Variants in PIEZO1 observed in about 807,000 individuals in gnomAD.
The protein encoded by PIEZO1 is piezo-type mechanosensitive ion channel component 1.
PIEZO1 carries 296 observed loss-of-function variants against 297.2 expected under a neutral mutation model. The observed-to-expected ratio is 1.00, with a 90% confidence interval of 0.91 to 1.10. The LOEUF (loss-of-function observed/expected upper bound fraction) is 1.10, where lower values mean the gene tolerates loss of function less well. PIEZO1 is among the 50% of genes least tolerant of loss of function. PIEZO1 has a pLI of 0.00. For synonymous variants in PIEZO1, 2,427 were observed against 1,507.5 expected, an observed-to-expected ratio of 1.61 and a Z score of -14.13; for missense variants, 5,018 against 3,455.5, an observed-to-expected ratio of 1.45 and a Z score of -11.34.
chr16:88,737,581 C>G lies in PIEZO1; in HGVS notation c.1173G>C (p.Gln391His). 6.5e-7 allele frequency: 1 copy of G among 1,534,310 alleles called. No homozygotes were observed. The highest frequency in any genetic ancestry group is 2.4e-5 in the East Asian group (1 of 40,908). Residue 391 changes from glutamine (Q) to histidine (H), a missense_variant, in exon 10 of 51, where the codon CAG (glutamine) becomes CAC (histidine). Transcript: ENST00000301015. ...DNCIVHELTGQSSVLRRPVRP... is the reference protein window; with the variant it reads ...DNCIVHELTGHSSVLRRPVRP... Reference sequence around the variant, plus strand: ...CACCAGGCCGCCGCAGGACGGAGCTCTGGCCGGTCAGCTCGTGCACGATGC... The same window carrying G: ...CACCAGGCCGCCGCAGGACGGAGCTGTGGCCGGTCAGCTCGTGCACGATGC...
At chr16:88,731,679 C>T (rs979876480) in intron 22 of PIEZO1, 27 bp downstream of exon 22, 4 of 1,539,524 alleles carry the variant, frequency 2.6e-6, no homozygotes, top group African/African-American at 1.4e-5. Context: ...ACAAAGCCCA[C>T]TCCCACCCAA....
At chr16:88,760,810 G>A (rs928237045) in intron 1 of PIEZO1, among the ~76,000 whole-genome samples, 1 of 152,244 alleles carries the variant, frequency 6.6e-6, no homozygotes, top group African/African-American at 2.4e-5. Context: ...TCACCTACTT[G>A]GAGCCCGGCC....
intron 2 of PIEZO1, chr16:88,743,565 C>T (rs562725298): frequency 4.4e-6 from 2 of 456,706 alleles, no homozygotes; most frequent in Admixed American, 2.3e-5. Context: ...GGGGCGCAAA[C>T]TCAGGGCCTG....
chr16:88,774,111 C>A (rs1479732282), intron 1 of PIEZO1, among the ~76,000 whole-genome samples: 1 of 152,248 alleles, frequency 6.6e-6, no homozygotes, highest in African/African-American at 2.4e-5. Context: ...CCAGGCAGGG[C>A]TGGGTGGGCG....
rs1912455982 is a variant in PIEZO1, at chr16:88,721,580, C to T, written c.5361G>A (p.Leu1787=). ...GGAAGAAAAGGGCCATGAGCTGCAC[C>T]AGGTCGTACTTGATGTAGCCGTCAG... ...EKTDGYIKYD[L]VQLMALFFHR... The change falls in exon 38 of 51, where the codon CTG becomes CTA. Residue 1787 remains leucine, a synonymous_variant. Coordinates refer to ENST00000301015, the MANE Select transcript of PIEZO1 (RefSeq NM_001142864.4). The T allele has an allele frequency of 3.9e-6, 6 of 1,550,148 alleles. No homozygotes were observed. In the South Asian group the frequency reaches 5.9e-5, roughly 15 times the overall value.
chr16:88,716,605 T>G lies in PIEZO1; in HGVS notation c.6880A>C (p.Asn2294His). 6.5e-7 allele frequency: 1 copy of G among 1,549,800 alleles called. No individual in the cohort carries two copies. Among genetic ancestry groups the G allele is most frequent in the Non-Finnish European group, 8.7e-7 (1 of 1,146,756 alleles). Residue 2294 changes from asparagine (N) to histidine (H), a missense_variant, in exon 47 of 51, where the codon AAC becomes CAC. Coordinates refer to ENST00000301015, the MANE Select transcript of PIEZO1 (RefSeq NM_001142864.4). ...CGCAGGGTGATGTCGGCCGTGCCGT[T>G]GTAGAGCTCCCGCTTCATCTGGGCA... Reference protein sequence around the residue: ...SRAQMKRELYNGTADITLRFT... With the variant: ...SRAQMKRELYHGTADITLRFT...
chr16:88,746,635 G>A (rs1240190589), intron 2 of PIEZO1, among the ~76,000 whole-genome samples: 1 of 152,136 alleles, frequency 6.6e-6, no homozygotes, highest in Non-Finnish European at 1.5e-5. Context: ...CTCGGCTCGG[G>A]CAAGCCTCAC....
intron 1 of PIEZO1, among the ~76,000 whole-genome samples, chr16:88,781,918 G>T (rs1907955360): frequency 6.6e-6 from 1 of 152,258 alleles, no homozygotes; most frequent in African/African-American, 2.4e-5. Flanking sequence ...TGCCGGCCGT[G>T]GGTGTGCCCC....
intron 4 of PIEZO1, 94 bp downstream of exon 4, chr16:88,741,959 G>T: frequency 7.3e-7 from 1 of 1,374,576 alleles, no homozygotes; most frequent in Non-Finnish European, 9.9e-7. Context: ...TGAGTCTCCA[G>T]GTCCCCCTCT....
chr16:88,715,509 C>T lies in PIEZO1; in HGVS notation c.*96G>A, dbSNP rs1000925279. ...ATGCATCACAGCTGGCGGCCTTGGACGGGGCAGTGGCTCCCCCGGCCTGAG... is the reference window on the plus strand; with the variant it reads ...ATGCATCACAGCTGGCGGCCTTGGATGGGGCAGTGGCTCCCCCGGCCTGAG... On this transcript the variant is annotated 3_prime_UTR_variant, in exon 51 of 51. Coordinates refer to ENST00000301015, the MANE Select transcript of PIEZO1 (RefSeq NM_001142864.4). 1.3e-5 allele frequency: 17 copies of T among 1,287,490 alleles called. No homozygotes were observed. The highest frequency in any genetic ancestry group is 2.6e-4 in the Middle Eastern group (1 of 3,828). 79.8% of individuals were successfully genotyped at this position (1,287,490 alleles called of 1,614,324 possible).
At chr16:88,732,797 C>G in intron 19 of PIEZO1, 65 bp from the exon 20 acceptor site, 2 of 1,430,338 alleles carry the variant, frequency 1.4e-6, no homozygotes, top group Non-Finnish European at 1.9e-6. Context: ...CTGCCCGGAG[C>G]CCACCACAGC....
At chr16:88,755,885 A>G (rs1906630255) in intron 1 of PIEZO1, among the ~76,000 whole-genome samples, 1 of 152,148 alleles carries the variant, frequency 6.6e-6, no homozygotes, top group African/African-American at 2.4e-5. Flanking sequence ...TGGCCAGCAG[A>G]TCCTGACATG....
intron 1 of PIEZO1, among the ~76,000 whole-genome samples, chr16:88,781,582 A>G (rs766518093): frequency 2.0e-5 from 3 of 152,212 alleles, no homozygotes; most frequent in Non-Finnish European, 4.4e-5. Flanking sequence ...AGGGGCCCCC[A>G]AGCCACAGAG....
At chr16:88,747,456 CAGTG>C (rs1906123086) in intron 2 of PIEZO1, among the ~76,000 whole-genome samples, 1 of 152,242 alleles carries the variant, frequency 6.6e-6, no homozygotes, top group African/African-American at 2.4e-5. Context: ...GCGGAGGTTG[CAGTG>C]AGCCCAGATC....
chr16:88,727,631 G>C lies in PIEZO1; in HGVS notation c.3227C>G (p.Pro1076Arg). Residue 1076 changes from proline (P) to arginine (R), a missense_variant, in exon 23 of 51, where the codon CCC becomes CGC. Pro to Arg is a moderately radical substitution (Grantham distance 103). Transcript: ENST00000301015. ...CCACTTGATGAGTGCGGAGTTCATG[G>C]GGACGGCCCGGCTCCAGCGCCAGGG... ...DYPWRWSRAVPMNSALIKWLY... is the reference protein window; with the variant it reads ...DYPWRWSRAVRMNSALIKWLY... The C allele has an allele frequency of 6.6e-7, 1 of 1,509,164 alleles. No homozygotes were observed. Among genetic ancestry groups the C allele is most frequent in the South Asian group, 1.3e-5 (1 of 79,998 alleles). 93.5% of individuals were successfully genotyped at this position (1,509,164 alleles called of 1,614,324 possible).
rs543050419 is a variant in PIEZO1 at position 88,732,324 on chromosome 16, C to T, written c.2991+11G>A. On this transcript the variant is annotated intron_variant, in intron 21 of 50. Transcript: ENST00000301015. ...GCCCTGCCCCAGGGGGAGGCAATGT[C>T]CTTGCCTCACCTCCAGCCCGAATTT... The T allele has an allele frequency of 7.8e-6, 12 of 1,547,618 alleles. No homozygotes were observed. Among genetic ancestry groups the T allele is most frequent in the South Asian group, 1.2e-5 (1 of 83,882 alleles).
chr16:88,742,561 C>G (rs1467486922), intron 2 of PIEZO1, 139 bp from the exon 3 acceptor site: 1 of 868,094 alleles, frequency 1.2e-6, no homozygotes, highest in Non-Finnish European at 1.7e-6. Flanking sequence ...CTCAGGACCC[C>G]ATCAGGCAGG....
chr16:88,745,256 T>G (rs1597468203), intron 2 of PIEZO1: 1 of 152,158 alleles, frequency 6.6e-6, no homozygotes, highest in Non-Finnish European at 1.5e-5. Context: ...CAGTGGCCTT[T>G]CCATCCTGGG....
chr16:88,741,624 G>A lies in PIEZO1; in HGVS notation c.327-8C>T, dbSNP rs1281937613. 5 of 1,533,480 alleles carry A rather than the reference G, an allele frequency of 3.3e-6. No individual in the cohort carries two copies. Among genetic ancestry groups the A allele is most frequent in the Non-Finnish European group, 3.5e-6 (4 of 1,145,928 alleles). 95.0% of individuals were successfully genotyped at this position (1,533,480 alleles called of 1,614,324 possible). A position where few individuals can be genotyped will look rare whatever the true frequency, so the allele number is the denominator to read the frequency against. Reference sequence around the variant, plus strand: ...ATGTCCTTCAGGTCCAGCCTGCGGAGAGCAGGGAGCAGCCGCGGTCAGACC... The same window carrying A: ...ATGTCCTTCAGGTCCAGCCTGCGGAAAGCAGGGAGCAGCCGCGGTCAGACC... On this transcript the variant is annotated splice_polypyrimidine_tract_variant and splice_region_variant and intron_variant, in intron 4 of 50. Coordinates refer to ENST00000301015, the MANE Select transcript of PIEZO1 (RefSeq NM_001142864.4).
Sources: allele counts gnomAD v4.1 joint callset (sites outside exome capture counted in the v4.1 genomes callset), GRCh38; gene constraint gnomAD v4.1.1; transcripts MANE v1.5; gene names NCBI Gene and HGNC (gene_info 2026-07-23, HGNC 2026-07-21).